Variants in KIAA0825 observed in about 807,000 individuals in gnomAD.
KIAA0825 encodes the protein KIAA0825, also known as uncharacterized protein KIAA0825.
KIAA0825 carries 119 observed loss-of-function variants against 147.6 expected under a neutral mutation model. The observed-to-expected ratio is 0.81, with a 90% CI of 0.69 to 0.94. The LOEUF (loss-of-function observed/expected upper bound fraction) is 0.94, where lower values mean the gene tolerates loss of function less well. Among genes scored for constraint, KIAA0825 ranks in the 40% least tolerant of loss-of-function variants. The probability of loss-of-function intolerance (pLI) is 0.00; values close to 1 mark genes in which losing one functional copy is unlikely to be tolerated. For missense variants in KIAA0825, 1,381 were observed against 1,472.7 expected, an observed-to-expected ratio of 0.94 and a Z score of 1.02; for synonymous variants, 470 against 518.1, an observed-to-expected ratio of 0.91 and a Z score of 1.26.
chr5:94,524,973 TTTGTGGGG>T, intron 3 of KIAA0825, among the ~76,000 whole-genome samples: 1 of 151,916 alleles, frequency 6.6e-6, no homozygotes, highest in South Asian at 2.1e-4. Context: ...ATTATAAATC[TTTGTGGGG>T]TAAACTGGTG....
intron 20 of KIAA0825, among the ~76,000 whole-genome samples, chr5:94,356,451 C>CA (rs545892412): frequency 1.0e-3 from 145 of 143,250 alleles, no homozygotes; most frequent in South Asian, 3.6e-3. Context: ...ACTAAAAATA[C>CA]AAAAAAAAAA....
intron 1 of KIAA0825, among the ~76,000 whole-genome samples, chr5:94,604,932 A>C (rs1257764212): frequency 2.0e-5 from 3 of 152,130 alleles, no homozygotes; most frequent in Non-Finnish European, 4.4e-5. Context: ...CAAGAAAAGA[A>C]GCCATTTAAA....
chr5:94,399,895 T>TA (rs1366092522), intron 16 of KIAA0825, among the ~76,000 whole-genome samples: 1 of 152,116 alleles, frequency 6.6e-6, no homozygotes, highest in Non-Finnish European at 1.5e-5. Context: ...TTATTAATGG[T>TA]AAAAAAGATC....
At position 94,243,225 on chromosome 5, in the gene KIAA0825, C is replaced by T. The variant is rs527540050; in HGVS notation, c.3711-89101G>A. ...TTCTTGCTTGTTATATTAATGCACACAGTAGGACTTGGAAACATATGTTTT... is the reference window on the plus strand; with the variant it reads ...TTCTTGCTTGTTATATTAATGCACATAGTAGGACTTGGAAACATATGTTTT... On this transcript the variant is annotated intron_variant, in intron 20 of 20. Coordinates refer to ENST00000682413, the MANE Select transcript of KIAA0825 (RefSeq NM_001145678.3). 9.2e-5 allele frequency among the ~76,000 whole-genome samples: 14 copies of T among 152,332 alleles called. No homozygotes were observed. The South Asian group carries it at 2.9e-3, about 32-fold the overall frequency.
chr5:94,427,439 C>T (rs373902297), intron 14 of KIAA0825, among the ~76,000 whole-genome samples: 139 of 152,104 alleles, frequency 9.1e-4, no homozygotes, highest in South Asian at 1.2e-3. Flanking sequence ...TGGAGGCTGA[C>T]GTGCAAGGAT....
chr5:94,578,480 C>G (rs998461881), intron 2 of KIAA0825, among the ~76,000 whole-genome samples: 4 of 152,142 alleles, frequency 2.6e-5, no homozygotes, highest in Non-Finnish European at 5.9e-5. Context: ...GATGTTGGAA[C>G]AATTACCTGC....
At chr5:94,215,226 G>A (rs1773090630) in intron 20 of KIAA0825, among the ~76,000 whole-genome samples, 1 of 152,130 alleles carries the variant, frequency 6.6e-6, no homozygotes, top group Non-Finnish European at 1.5e-5. Context: ...AAATAAATCT[G>A]AATCTATTAC....
chr5:94,323,400 C>A (rs557879479), intron 20 of KIAA0825, among the ~76,000 whole-genome samples: 2 of 151,892 alleles, frequency 1.3e-5, no homozygotes, highest in African/African-American at 2.4e-5. Context: ...AAGTTCACAA[C>A]CCTATCTGGA....
At chr5:94,368,392 C>T (rs1746172235) in intron 20 of KIAA0825, among the ~76,000 whole-genome samples, 1 of 152,090 alleles carries the variant, frequency 6.6e-6, no homozygotes, top group Admixed American at 6.6e-5. Context: ...AGGCTAGTCT[C>T]GAACTCCTAG....
chr5:94,448,743 T>G (rs1472863397), intron 13 of KIAA0825, among the ~76,000 whole-genome samples: 2 of 152,066 alleles, frequency 1.3e-5, no homozygotes, highest in Non-Finnish European at 2.9e-5. Flanking sequence ...TGAAGGATAA[T>G]TTGGGGGTGA....
chr5:94,155,919 C>T (rs917389732), intron 20 of KIAA0825, among the ~76,000 whole-genome samples: 3 of 152,156 alleles, frequency 2.0e-5, no homozygotes, highest in Non-Finnish European at 2.9e-5. Context: ...GATTTTCTTA[C>T]ACTGCTTTCA....
intron 2 of KIAA0825, among the ~76,000 whole-genome samples, chr5:94,562,808 C>T (rs998961962): frequency 9.2e-5 from 14 of 152,154 alleles, no homozygotes; most frequent in African/African-American, 3.4e-4. Context: ...AGATGAATCA[C>T]ATACCAAAGC....
intron 2 of KIAA0825, among the ~76,000 whole-genome samples, chr5:94,547,546 G>A (rs972231967): frequency 1.3e-5 from 2 of 151,994 alleles, no homozygotes; most frequent in Non-Finnish European, 2.9e-5. Context: ...GACCAGCCTG[G>A]CCAACATGGT....
intron 20 of KIAA0825, among the ~76,000 whole-genome samples, chr5:94,313,083 T>A (rs1450342512): frequency 6.6e-6 from 1 of 151,672 alleles, no homozygotes; most frequent in East Asian, 1.9e-4. Context: ...AGTTATATAA[T>A]AAATATAAAT....
Position 94,417,321 on chromosome 5 carries a change from A to G in KIAA0825, c.2542T>C (p.Leu848=). 6.5e-7 allele frequency: 1 copy of G among 1,550,110 alleles called. No individual in the cohort carries two copies. The highest frequency in any genetic ancestry group is 8.7e-7 in the Non-Finnish European group (1 of 1,145,734). Residue 848 remains leucine (L), a synonymous_variant, in exon 15 of 21, where the codon TTG becomes CTG. Coordinates refer to ENST00000682413, the MANE Select transcript of KIAA0825 (RefSeq NM_001145678.3). ...TENNLNQGPS[L]MEAIFKILYH... ...AATATTTTAAAGATGGCTTCCATCA[A>G]GCTGGGTCCTTGGTTCAGGTTATTT...
intron 20 of KIAA0825, among the ~76,000 whole-genome samples, chr5:94,335,876 C>T (rs1350738506): frequency 6.6e-6 from 1 of 152,108 alleles, no homozygotes; most frequent in Non-Finnish European, 1.5e-5. Context: ...TTTAATTTGA[C>T]CCTGCCAGAC....
chr5:94,321,348 AC>A (rs1312279162), intron 20 of KIAA0825, among the ~76,000 whole-genome samples: 1 of 151,978 alleles, frequency 6.6e-6, no homozygotes, highest in African/African-American at 2.4e-5. Flanking sequence ...AAATACCACT[AC>A]TAAAATAACT....
At chr5:94,597,498 C>T (rs1021900934) in intron 1 of KIAA0825, among the ~76,000 whole-genome samples, 1 of 152,106 alleles carries the variant, frequency 6.6e-6, no homozygotes, top group Admixed American at 6.6e-5. Context: ...TTACACATTT[C>T]ATATGATGCA....
chr5:94,349,429 T>C (rs1319483415), intron 20 of KIAA0825, among the ~76,000 whole-genome samples: 2 of 152,060 alleles, frequency 1.3e-5, no homozygotes, highest in East Asian at 3.8e-4. Flanking sequence ...TTGGAACAAA[T>C]GGACTTAACA....
Sources: allele counts gnomAD v4.1 joint callset (sites outside exome capture counted in the v4.1 genomes callset), GRCh38; gene constraint gnomAD v4.1.1; transcripts MANE v1.5; gene names NCBI Gene and HGNC (gene_info 2026-07-23, HGNC 2026-07-21).